The following PAPPA variants were observed in gnomAD, a reference collection of about 807,000 sequenced individuals.
The protein encoded by PAPPA is pappalysin 1.
In PAPPA, 60 loss-of-function variants were observed where a neutral mutation model predicts 164.0. That is an observed-to-expected ratio of 0.37 (90% CI 0.30 to 0.45). PAPPA has a LOEUF of 0.45. Among genes scored for constraint, PAPPA ranks in the 20% least tolerant of loss-of-function variants. The pLI, the probability that PAPPA is intolerant of heterozygous loss-of-function variation, is 1.00. For missense variants in PAPPA, 1,782 were observed against 2,087.3 expected, an observed-to-expected ratio of 0.85 and a Z score of 2.85; for synonymous variants, 875 against 814.1, an observed-to-expected ratio of 1.07 and a Z score of -1.27.
At chr9:116,346,896 C>T (rs546996527) in intron 14 of PAPPA, 130 bp from the exon 15 acceptor site, 27 of 615,906 alleles carry the variant, frequency 4.4e-5, no homozygotes, top group African/African-American at 1.9e-4. Context: ...AGTGAGCTAA[C>T]GTTAAACACT....
At chr9:116,327,256 C>T (rs955269702) in intron 10 of PAPPA, among the ~76,000 whole-genome samples, 3 of 152,166 alleles carry the variant, frequency 2.0e-5, no homozygotes, top group Admixed American at 6.5e-5. Context: ...TGTGTTACTT[C>T]CTGACATCTC....
chr9:116,227,541 G>A lies in PAPPA; in HGVS notation c.2222G>A (p.Arg741His), dbSNP rs763858422. ...PCSPSGHWSP[R>H]EAEGHPDVEQ... ...AGCCCATCAGGACACTGGAGCCCTC[G>A]TGAAGCAGAAGGTAAGCCAGCCTTC... is the stretch of plus-strand genomic sequence containing the variant. The change falls in exon 6 of 22, where the codon CGT becomes CAT. Residue 741 changes from arginine (R) to histidine (H), a missense_variant. Transcript: ENST00000328252. The A allele has an allele frequency of 4.3e-5, 69 of 1,613,880 alleles. No homozygotes were observed. Among genetic ancestry groups the A allele is most frequent in the Admixed American group, 5.0e-5 (3 of 59,974 alleles).
intron 10 of PAPPA, among the ~76,000 whole-genome samples, chr9:116,312,288 CTTTT>C (rs5900201): frequency 2.3e-5 from 3 of 129,634 alleles, no homozygotes; most frequent in Non-Finnish European, 3.2e-5. Context: ...TTCTTTCTTT[CTTTT>C]TTTTTTTTTT....
chr9:116,192,868 G>C (rs1332057826), intron 2 of PAPPA, among the ~76,000 whole-genome samples: 1 of 152,128 alleles, frequency 6.6e-6, no homozygotes, highest in East Asian at 1.9e-4. Context: ...CCAGTGTCAG[G>C]AAATCCAGGG....
At chr9:116,344,408 G>A in intron 13 of PAPPA, 135 bp from the exon 14 acceptor site, 1 of 791,258 alleles carries the variant, frequency 1.3e-6, no homozygotes, top group South Asian at 2.0e-5. Context: ...CTTCACCCTA[G>A]CCAGCACCCC....
At chr9:116,346,477 G>C (rs905719189) in intron 14 of PAPPA, among the ~76,000 whole-genome samples, 6 of 152,150 alleles carry the variant, frequency 3.9e-5, no homozygotes, top group African/African-American at 1.4e-4. Flanking sequence ...CTTGCCTGTG[G>C]TCTCATAACA....
intron 9 of PAPPA, among the ~76,000 whole-genome samples, chr9:116,300,260 CTTTTG>C (rs59797817): frequency 3.8e-4 from 58 of 150,706 alleles, no homozygotes; most frequent in African/African-American, 7.8e-4. Flanking sequence ...TTCTGTTTTT[CTTTTG>C]TTTTGTTTTG....
chr9:116,235,308 C>T lies in PAPPA; in HGVS notation c.2403C>T (p.Thr801=). The T allele has an allele frequency of 6.2e-7, 1 of 1,614,108 alleles. No homozygotes were observed. Among genetic ancestry groups the T allele is most frequent in the Non-Finnish European group, 8.5e-7 (1 of 1,180,010 alleles). ...CTGAGTCTCTGACCATTTGGGTGAC[C>T]TTTGTCTCCACTGACTGGGACTCTA... The part of the protein sequence containing the change: ...LVPESLTIWV[T]FVSTDWDSSG... Residue 801 remains threonine, a synonymous_variant, in exon 7 of 22, where the codon ACC becomes ACT. Coordinates refer to ENST00000328252, the MANE Select transcript of PAPPA (RefSeq NM_002581.5).
intron 1 of PAPPA, among the ~76,000 whole-genome samples, chr9:116,169,310 CTTTTTTTTTTTT>C (rs563871496): frequency 0.017 from 901 of 52,144 alleles, 39 homozygotes; most frequent in Non-Finnish European, 0.028. Context: ...CAAACCCATT[CTTTTTTTTTTTT>C]TTTTTTTTTT....
At chr9:116,194,628 T>A (rs1278407885) in intron 2 of PAPPA, among the ~76,000 whole-genome samples, 1 of 152,186 alleles carries the variant, frequency 6.6e-6, no homozygotes, top group Admixed American at 6.5e-5. Flanking sequence ...TGGTTTCTCA[T>A]CTGTAATAAT....
At chr9:116,343,431 C>T (rs1048938750) in intron 13 of PAPPA, among the ~76,000 whole-genome samples, 3 of 152,148 alleles carry the variant, frequency 2.0e-5, no homozygotes, top group Admixed American at 6.5e-5. Context: ...TGCCGAGGGA[C>T]ACAAGAGAAA....
intron 10 of PAPPA, among the ~76,000 whole-genome samples, chr9:116,317,632 G>A (rs1463878153): frequency 2.0e-5 from 3 of 152,166 alleles, no homozygotes; most frequent in Admixed American, 2.0e-4. Flanking sequence ...TAGGATTATG[G>A]TGTTTTCGTA....
chr9:116,241,061 G>C (rs1844729763), intron 7 of PAPPA, among the ~76,000 whole-genome samples: 1 of 152,286 alleles, frequency 6.6e-6, no homozygotes, highest in Admixed American at 6.5e-5. Flanking sequence ...AAGGAAAGGA[G>C]ATGTTTATAT....
intron 21 of PAPPA, 146 bp from the exon 22 acceptor site, chr9:116,396,363 A>G (rs1846963012): frequency 1.9e-5 from 13 of 680,540 alleles, no homozygotes; most frequent in South Asian, 1.6e-4. Context: ...GATAAAAGTT[A>G]TCACCAGGAT....
chr9:116,342,681 A>G (rs1279938243), intron 13 of PAPPA, among the ~76,000 whole-genome samples: 1 of 152,178 alleles, frequency 6.6e-6, no homozygotes, highest in Non-Finnish European at 1.5e-5. Flanking sequence ...CGACAAAAAA[A>G]AAGTGCAAAA....
intron 10 of PAPPA, among the ~76,000 whole-genome samples, chr9:116,311,003 C>A (rs914233048): frequency 6.6e-6 from 1 of 151,312 alleles, no homozygotes; most frequent in Non-Finnish European, 1.5e-5. Context: ...CTTCTGTCTG[C>A]CTGTGAAGTT....
At chr9:116,308,682 T>C (rs2118903021) in intron 10 of PAPPA, among the ~76,000 whole-genome samples, 1 of 152,320 alleles carries the variant, frequency 6.6e-6, no homozygotes, top group East Asian at 1.9e-4. Flanking sequence ...TAATATGTGG[T>C]ACGTATTTAA....
intron 10 of PAPPA, among the ~76,000 whole-genome samples, chr9:116,328,564 C>T (rs1281717668): frequency 6.6e-6 from 1 of 152,140 alleles, no homozygotes; most frequent in Non-Finnish European, 1.5e-5. Context: ...CTATCAATTC[C>T]TAGGGCCAGG....
intron 9 of PAPPA, among the ~76,000 whole-genome samples, chr9:116,300,655 C>T (rs1845569562): frequency 6.6e-6 from 1 of 152,266 alleles, no homozygotes; most frequent in African/African-American, 2.4e-5. Flanking sequence ...GGAAGAAGTT[C>T]AGCATTCTGG....
Sources: allele counts gnomAD v4.1 joint callset (sites outside exome capture counted in the v4.1 genomes callset), GRCh38; gene constraint gnomAD v4.1.1; transcripts MANE v1.5; gene names NCBI Gene and HGNC (gene_info 2026-07-23, HGNC 2026-07-21).